Variants in FBXL13 observed in about 807,000 individuals in gnomAD.
FBXL13 encodes the protein F-box and leucine rich repeat protein 13.
FBXL13 carries 67 observed loss-of-function variants against 83.6 expected under a neutral mutation model. The ratio of observed to expected loss-of-function variants is 0.80; its 90% CI spans 0.66 to 0.98. FBXL13 has a LOEUF of 0.98. Among genes scored for constraint, FBXL13 ranks in the 50% least tolerant of loss-of-function variants. The pLI is 0.00. For missense variants in FBXL13, 822 were observed against 866.5 expected (o/e 0.95, Z 0.64); for synonymous variants, 272 against 299.5 (o/e 0.91, Z 0.95).
intron 18 of FBXL13, among the ~76,000 whole-genome samples, chr7:102,829,835 G>A (rs1562917548): frequency 6.6e-6 from 1 of 152,044 alleles, no homozygotes; most frequent in African/African-American, 2.4e-5. Flanking sequence ...TGTGTTTTAC[G>A]GCTCATCAAA....
intron 2 of FBXL13, among the ~76,000 whole-genome samples, chr7:103,044,850 T>C (rs76822980): frequency 0.011 from 1,670 of 152,346 alleles, 34 homozygotes; most frequent in African/African-American, 0.039. Flanking sequence ...AAATTGTCTT[T>C]CCTTCTACTA....
At chr7:102,975,910 G>A (rs773464645) in intron 6 of FBXL13, 8 of 761,498 alleles carry the variant, frequency 1.1e-5, no homozygotes, top group Non-Finnish European at 1.9e-5. Context: ...AGGCCATGGG[G>A]CCACAGCTCC....
chr7:102,948,424 A>G (rs1353601592), intron 8 of FBXL13, among the ~76,000 whole-genome samples: 1 of 151,380 alleles, frequency 6.6e-6, no homozygotes, highest in African/African-American at 2.4e-5. Context: ...TTAAGGATTT[A>G]TTTATTTTCT....
At chr7:102,838,454 A>C (rs1158750735) in intron 17 of FBXL13, among the ~76,000 whole-genome samples, 1 of 152,082 alleles carries the variant, frequency 6.6e-6, no homozygotes, top group Non-Finnish European at 1.5e-5. Flanking sequence ...ATAGTAAAAA[A>C]AAAATTTTTT....
chr7:102,820,379 G>A (rs893644338), intron 19 of FBXL13, among the ~76,000 whole-genome samples: 1 of 152,242 alleles, frequency 6.6e-6, no homozygotes, highest in African/African-American at 2.4e-5. Context: ...ATTTTTCACA[G>A]CTATAGCTGG....
At chr7:102,838,105 G>A (rs1802313937) in intron 17 of FBXL13, among the ~76,000 whole-genome samples, 1 of 152,208 alleles carries the variant, frequency 6.6e-6, no homozygotes, top group Non-Finnish European at 1.5e-5. Context: ...AACTGCCAGA[G>A]GCAGCATACA....
chr7:102,905,296 T>G (rs1813589403), intron 11 of FBXL13, among the ~76,000 whole-genome samples: 1 of 152,216 alleles, frequency 6.6e-6, no homozygotes, highest in African/African-American at 2.4e-5. Flanking sequence ...TGCTCCAGTG[T>G]TGGGTGCATA....
At chr7:102,975,771 C>T (rs1043202263) in intron 6 of FBXL13, 3 of 592,326 alleles carry the variant, frequency 5.1e-6, no homozygotes, top group African/African-American at 3.7e-5. Context: ...AACTTGACAA[C>T]AGCCCTCAAA....
intron 2 of FBXL13, among the ~76,000 whole-genome samples, chr7:103,036,764 G>A (rs936432018): frequency 3.3e-5 from 5 of 152,086 alleles, no homozygotes; most frequent in African/African-American, 7.2e-5. Flanking sequence ...TGCCCACTTC[G>A]GCCTCCCAAA....
chr7:102,938,244 T>A (rs972338927), intron 8 of FBXL13, among the ~76,000 whole-genome samples: 12 of 152,222 alleles, frequency 7.9e-5, no homozygotes, highest in African/African-American at 2.9e-4. Context: ...TAAGGAGTTA[T>A]TTTACTTCTA....
chr7:103,029,005 A>G (rs927325267), intron 3 of FBXL13, among the ~76,000 whole-genome samples: 1 of 152,112 alleles, frequency 6.6e-6, no homozygotes, highest in Admixed American at 6.6e-5. Flanking sequence ...CATAATTCCA[A>G]TTTACCAAAA....
rs558119295 is a variant in FBXL13 at position 102,936,733 on chromosome 7, AG to A, written c.725-4801del. Among the ~76,000 whole-genome samples the A allele has an allele frequency of 9.8e-5, 15 of 152,350 alleles. No homozygotes were observed. The East Asian group carries it at 2.7e-3, about 27-fold the overall frequency. On this transcript the variant is annotated intron_variant, in intron 8 of 19. Coordinates refer to ENST00000313221, the Ensembl canonical transcript of FBXL13. ...TGCTGTATCAGGTGTAAATGAGAAA[AG>A]TAAATAGTATTAAGTTTATTAATTA...
At position 103,070,316 on chromosome 7, in the gene FBXL13, C is replaced by G. The variant is rs1798824571; in HGVS notation, c.-105+3930G>C. On this transcript the variant is annotated intron_variant, in intron 1 of 19. Coordinates refer to ENST00000313221, the Ensembl canonical transcript of FBXL13. ...GTGTGATCTCAGCTCACTGCAACCT[C>G]TGCCTCCTGGGTTCAAGCGATTCTC... 2.0e-5 allele frequency among the ~76,000 whole-genome samples: 3 copies of G among 152,162 alleles called. No homozygotes were observed. In the South Asian group the frequency reaches 6.2e-4, roughly 32 times the overall value.
In FBXL13 at chr7:103,021,875, G is replaced by A. The variant is rs184894033; in HGVS notation, c.495+3188C>T. Among the ~76,000 whole-genome samples, 31 of 152,296 alleles carry A rather than the reference G, an allele frequency of 2.0e-4. No homozygotes were observed. The South Asian group carries it at 2.7e-3, about 13-fold the overall frequency. On this transcript the variant is annotated intron_variant, in intron 6 of 19. Coordinates refer to ENST00000313221, the Ensembl canonical transcript of FBXL13. ...GGAGAAATAGTAACACTTTTACACC[G>A]TTGGTGGGACTGTAAACTAGTACAA...
intron 6 of FBXL13, among the ~76,000 whole-genome samples, chr7:102,984,351 T>C (rs946027447): frequency 1.3e-5 from 2 of 152,208 alleles, no homozygotes. Flanking sequence ...ACTATCTACC[T>C]ATCTATTTAT....
chr7:103,051,741 T>G (rs774339253), intron 2 of FBXL13, among the ~76,000 whole-genome samples: 1 of 152,082 alleles, frequency 6.6e-6, no homozygotes, highest in Non-Finnish European at 1.5e-5. Context: ...GGTGGAAGAT[T>G]TATAAACAAA....
At chr7:102,903,600 G>A (rs1000046218) in intron 11 of FBXL13, among the ~76,000 whole-genome samples, 1 of 151,818 alleles carries the variant, frequency 6.6e-6, no homozygotes, top group African/African-American at 2.4e-5. Context: ...TCTATCCCTA[G>A]TTTTTTGAGG....
At position 102,975,977 on chromosome 7, in the gene FBXL13, T is replaced by C. The variant is rs199544749; in HGVS notation, c.496-7860A>G. ...CTGGTGCCTGCTTCAAGTGCGGCAATGAAGGCCACTGGCCCACACAATGCC... is the reference window on the plus strand; with the variant it reads ...CTGGTGCCTGCTTCAAGTGCGGCAACGAAGGCCACTGGCCCACACAATGCC... On this transcript the variant is annotated intron_variant, in intron 6 of 19. Transcript: ENST00000313221. 1.3e-3 allele frequency: 1,022 copies of C among 766,216 alleles called. 8 individuals carry two copies. Among genetic ancestry groups the C allele is most frequent in the Middle Eastern group, 4.9e-3 (21 of 4,290 alleles). The allele number at this position is 766,216 out of a possible 1,614,324, so 47.5% of individuals were successfully genotyped here.
At chr7:103,024,858 T>TATATATATATATA (rs1491367495) in intron 6 of FBXL13, among the ~76,000 whole-genome samples, 1 of 63,218 alleles carries the variant, frequency 1.6e-5, no homozygotes, top group African/African-American at 8.7e-5. Context: ...TATATATATA[T>TATATATATATATA]TTTTTTTTTT....
Sources: allele counts gnomAD v4.1 joint callset (sites outside exome capture counted in the v4.1 genomes callset), GRCh38; gene constraint gnomAD v4.1.1; transcripts MANE v1.5; gene names NCBI Gene and HGNC (gene_info 2026-07-23, HGNC 2026-07-21).